The following ARID1B variants were observed in gnomAD, a reference collection of about 807,000 sequenced individuals.
The protein encoded by ARID1B is AT-rich interaction domain 1B.
Under a neutral mutation model 212.3 loss-of-function variants are expected in ARID1B, and 30 were observed. The observed-to-expected ratio is 0.14, with a 90% CI of 0.11 to 0.19. The LOEUF is 0.19. Ranked by LOEUF, ARID1B falls within the 10% of genes least tolerant of loss-of-function variation. The pLI, the probability that ARID1B is intolerant of heterozygous loss-of-function variation, is 1.00. For missense variants in ARID1B, 2,891 were observed against 3,204.0 expected (o/e 0.90, Z 2.36); for synonymous variants, 1,402 against 1,301.7 (o/e 1.08, Z -1.66).
intron 1 of ARID1B, among the ~76,000 whole-genome samples, chr6:156,806,463 T>C (rs948789661): frequency 1.3e-5 from 2 of 152,230 alleles, no homozygotes; most frequent in Admixed American, 6.5e-5. Flanking sequence ...CAGACTTTAC[T>C]GTATCATATT....
At chr6:157,175,031 TTTTTTTG>T in intron 11 of ARID1B, 26 bp downstream of exon 11, 2 of 1,359,410 alleles carry the variant, frequency 1.5e-6, no homozygotes, top group Non-Finnish European at 1.9e-6. Flanking sequence ...TTTTTTTTGT[TTTTTTTG>T]TTTTTTGTTT....
chr6:156,971,239 G>A (rs954584699), intron 4 of ARID1B, among the ~76,000 whole-genome samples: 1 of 152,132 alleles, frequency 6.6e-6, no homozygotes, highest in Non-Finnish European at 1.5e-5. Flanking sequence ...TTAAATTGCA[G>A]CGTTATCTGT....
chr6:156,919,726 G>C (rs1036478765), intron 3 of ARID1B, among the ~76,000 whole-genome samples: 1 of 152,356 alleles, frequency 6.6e-6, no homozygotes, highest in South Asian at 2.1e-4. Flanking sequence ...CAGCTGCTCA[G>C]GAGGCTGAGG....
intron 2 of ARID1B, among the ~76,000 whole-genome samples, chr6:156,855,015 C>T (rs755655252): frequency 2.0e-5 from 3 of 152,002 alleles, no homozygotes; most frequent in Admixed American, 6.6e-5. Context: ...ACTATGAGTT[C>T]GGGGCAGTTG....
chr6:156,781,255 T>G (rs1043861250), intron 1 of ARID1B, among the ~76,000 whole-genome samples: 12 of 152,106 alleles, frequency 7.9e-5, no homozygotes, highest in African/African-American at 2.9e-4. Flanking sequence ...GCTTTTGATG[T>G]GGAGAATACA....
chr6:156,956,564 A>T (rs945928547), intron 4 of ARID1B, among the ~76,000 whole-genome samples: 2 of 152,112 alleles, frequency 1.3e-5, no homozygotes, highest in African/African-American at 4.8e-5. Context: ...CTGCAGTTTC[A>T]GCTTGAGTTT....
chr6:156,905,069 A>T (rs777186972), intron 3 of ARID1B, among the ~76,000 whole-genome samples: 15 of 152,088 alleles, frequency 9.9e-5, no homozygotes, highest in Non-Finnish European at 1.5e-4. Context: ...TTCCTGAACT[A>T]TAAATTTATA....
chr6:157,109,241 C>G (rs550645214), intron 5 of ARID1B, among the ~76,000 whole-genome samples: 1 of 152,072 alleles, frequency 6.6e-6, no homozygotes, highest in South Asian at 2.1e-4. Flanking sequence ...TGTGCCCTGA[C>G]CTTCACGGGG....
chr6:156,871,521 G>A (rs1786126037), intron 2 of ARID1B: 1 of 1,127,134 alleles, frequency 8.9e-7, no homozygotes, highest in African/African-American at 1.5e-5. Context: ...AGTTGCTCAA[G>A]GTCACCTAAT....
chr6:156,983,075 A>G (rs1359411946), intron 4 of ARID1B, among the ~76,000 whole-genome samples: 1 of 151,452 alleles, frequency 6.6e-6, no homozygotes, highest in East Asian at 1.9e-4. Flanking sequence ...AGTCCGGGCA[A>G]CAGAGTGAGA....
chr6:157,168,351 A>T (rs1277683184), intron 9 of ARID1B: 1 of 152,204 alleles, frequency 6.6e-6, no homozygotes, highest in East Asian at 1.9e-4. Flanking sequence ...GCCCTTCCTG[A>T]TGCTGCGTTG....
chr6:156,992,058 GTTTAC>G (rs1275884205), intron 4 of ARID1B, among the ~76,000 whole-genome samples: 1 of 152,106 alleles, frequency 6.6e-6, no homozygotes, highest in Non-Finnish European at 1.5e-5. Flanking sequence ...TTATTTTACA[GTTTAC>G]TTTTCTTTCC....
Position 157,201,339 on chromosome 6 carries a change from A to G in ARID1B, c.5114A>G (p.Lys1705Arg). Residue 1705 changes from lysine (K) to arginine (R), a missense_variant, in exon 18 of 20, where the codon AAG (lysine) becomes AGG (arginine). Physicochemically the swap from Lys to Arg is conservative, Grantham distance 26 (BLOSUM62 2). Around this residue, in one of 7 missense-constraint regions of ARID1B, gnomAD observed 666 missense variants for 873.5 expected, o/e 0.76. Coordinates refer to ENST00000636930, the MANE Select transcript of ARID1B (RefSeq NM_001374828.1). The surrounding 1 kb of genome is among the most constrained non-coding windows in gnomAD (Gnocchi z 5.2). ...SPFLPSMKMQKVMPTVPTSQV... is the reference protein window; with the variant it reads ...SPFLPSMKMQRVMPTVPTSQV... ...TTTCTGCCGTCTATGAAGATGCAGAAGGTCATGCCCACGGTCCCCACATCC... is the reference window on the plus strand; with the variant it reads ...TTTCTGCCGTCTATGAAGATGCAGAGGGTCATGCCCACGGTCCCCACATCC... 6 of 1,613,982 alleles carry G rather than the reference A, an allele frequency of 3.7e-6. No homozygotes were observed. Among genetic ancestry groups the G allele is most frequent in the South Asian group, 1.1e-5 (1 of 91,030 alleles).
intron 4 of ARID1B, among the ~76,000 whole-genome samples, chr6:157,052,528 C>T (rs891314899): frequency 5.9e-5 from 9 of 152,144 alleles, no homozygotes; most frequent in African/African-American, 1.2e-4. Flanking sequence ...CTTGGAATTC[C>T]AAAGTGGACT....
chr6:157,127,632 C>T (rs1328151761), intron 6 of ARID1B, among the ~76,000 whole-genome samples: 3 of 151,674 alleles, frequency 2.0e-5, no homozygotes, highest in African/African-American at 4.8e-5. Flanking sequence ...AAAAATTAGC[C>T]GGGCATGGTG....
intron 4 of ARID1B, among the ~76,000 whole-genome samples, chr6:157,033,939 T>C (rs1268479990): frequency 1.3e-5 from 2 of 152,204 alleles, no homozygotes; most frequent in African/African-American, 2.4e-5. Flanking sequence ...CTCTCTCCCA[T>C]TGAAGTGAAA....
At chr6:156,944,236 C>T (rs975753605) in intron 4 of ARID1B, among the ~76,000 whole-genome samples, 23 of 152,272 alleles carry the variant, frequency 1.5e-4, no homozygotes, top group African/African-American at 5.1e-4. Flanking sequence ...TCTTCAGAAA[C>T]GGCTCCTGTG....
At chr6:157,036,926 A>G (rs1418221579) in intron 4 of ARID1B, 1 of 483,978 alleles carries the variant, frequency 2.1e-6, no homozygotes, top group Non-Finnish European at 4.1e-6. Flanking sequence ...AGTTCCTCCT[A>G]GGTGGATTTG....
chr6:156,885,552 A>G (rs534747066), intron 2 of ARID1B, among the ~76,000 whole-genome samples: 8 of 152,060 alleles, frequency 5.3e-5, no homozygotes, highest in African/African-American at 1.9e-4. Flanking sequence ...TCAACATCCT[A>G]TATTTTTTTC....
Sources: allele counts gnomAD v4.1 joint callset (sites outside exome capture counted in the v4.1 genomes callset), GRCh38; gene constraint gnomAD v4.1.1; regional missense constraint gnomAD v4.1.1; non-coding constraint Gnocchi (gnomAD v3.1); transcripts MANE v1.5; gene names NCBI Gene and HGNC (gene_info 2026-07-23, HGNC 2026-07-21).